DNM2: variants seen among roughly 807,000 people sequenced by gnomAD.
DNM2 encodes dynamin 2.
In DNM2, 15 loss-of-function variants were observed where a neutral mutation model predicts 99.0. The observed-to-expected ratio is 0.15, with a 90% CI of 0.10 to 0.23. The LOEUF (loss-of-function observed/expected upper bound fraction) is 0.23, where lower values mean the gene tolerates loss of function less well. Ranked by LOEUF, DNM2 falls within the 10% of genes least tolerant of loss-of-function variation. The pLI, the probability that DNM2 is intolerant of heterozygous loss-of-function variation, is 1.00. For missense variants in DNM2, 742 were observed against 1,189.4 expected, an observed-to-expected ratio of 0.62 and a Z score of 5.53; for synonymous variants, 525 against 481.2, an observed-to-expected ratio of 1.09 and a Z score of -1.19.
At chr19:10,751,154 G>A (rs2070180173) in intron 1 of DNM2, among the ~76,000 whole-genome samples, 1 of 151,970 alleles carries the variant, frequency 6.6e-6, no homozygotes, top group African/African-American at 2.4e-5. Flanking sequence ...GTGAATGGGG[G>A]TGAGAGAAGT....
intron 3 of DNM2, among the ~76,000 whole-genome samples, chr19:10,774,126 T>C (rs1252693935): frequency 1.3e-5 from 2 of 152,208 alleles, no homozygotes; most frequent in East Asian, 1.9e-4. Context: ...TGCACACATA[T>C]TTTAGGTTCT....
chr19:10,765,997 G>A lies in DNM2; in HGVS notation c.235+6186G>A, dbSNP rs1185822024. ...TTTGTGCTCCTGATGGGATTTGATC[G>A]CAGTCATATGGGAGCCCCGGCACTG... is the stretch of plus-strand genomic sequence containing the variant. On this transcript the variant is annotated intron_variant, in intron 2 of 20. Transcript: ENST00000389253. This position sits in a 1 kb window ranked among gnomAD's most constrained non-coding sequence, Gnocchi z 4.4. Among the ~76,000 whole-genome samples, 4 of 152,160 alleles carry A rather than the reference G, an allele frequency of 2.6e-5. No homozygotes were observed. Among genetic ancestry groups the A allele is most frequent in the Non-Finnish European group, 5.9e-5 (4 of 68,040 alleles).
intron 5 of DNM2, among the ~76,000 whole-genome samples, chr19:10,777,628 CTT>C (rs1568295060): frequency 6.6e-6 from 1 of 152,010 alleles, no homozygotes; most frequent in Non-Finnish European, 1.5e-5. Flanking sequence ...AGTTTTTGCT[CTT>C]GTCACCCAAG....
chr19:10,781,420 C>CT lies in DNM2; in HGVS notation c.689-1539dup, dbSNP rs1191520037. The stretch of plus-strand genomic sequence containing the variant: ...AAGAGCAGTCACATCCCACAAGACC[C>CT]TACAGGATAGATGACCGGCACCTCT... On this transcript the variant is annotated intron_variant, in intron 5 of 20. Transcript: ENST00000389253. 2.0e-5 allele frequency: 3 copies of CT among 152,314 alleles called. No individual in the cohort carries two copies. In the East Asian group the frequency reaches 5.8e-4, roughly 29 times the overall value. 9.4% of individuals were successfully genotyped at this position (152,314 alleles called of 1,614,324 possible).
intron 1 of DNM2, among the ~76,000 whole-genome samples, chr19:10,738,860 A>G (rs2069630204): frequency 6.9e-6 from 1 of 144,906 alleles, no homozygotes; most frequent in African/African-American, 2.6e-5. Flanking sequence ...ACAAGAGCAA[A>G]ACTCCATCGC....
rs748026953 is a variant in DNM2, at chr19:10,812,255, T to G, written c.1558-9T>G. On this transcript the variant is annotated splice_polypyrimidine_tract_variant and intron_variant, in intron 14 of 20. Transcript: ENST00000389253. This position sits in a 1 kb window ranked among gnomAD's most constrained non-coding sequence, Gnocchi z 4.0. ...GAGGTTCCCTGCTAAGCTGCGCGCT[T>G]TCCCCCAGGTGATCCGCAGGGGCTG... The G allele has an allele frequency of 3.8e-6, 6 of 1,585,954 alleles. No individual in the cohort carries two copies. In the Admixed American group the frequency reaches 5.4e-5, roughly 14 times the overall value.
intron 10 of DNM2, chr19:10,798,245 C>T (rs188137352): frequency 5.3e-6 from 3 of 568,482 alleles, no homozygotes; most frequent in Non-Finnish European, 9.4e-6. Context: ...TGCCTCCTGC[C>T]CCCCGGTCAC....
intron 7 of DNM2, among the ~76,000 whole-genome samples, chr19:10,787,642 C>T (rs1236116478): frequency 1.3e-5 from 2 of 151,066 alleles, no homozygotes; most frequent in Non-Finnish European, 2.9e-5. Context: ...GTAGTCCCAG[C>T]TACACAGGAG....
intron 10 of DNM2, 93 bp downstream of exon 10, chr19:10,797,611 C>A: frequency 6.3e-7 from 1 of 1,585,482 alleles, no homozygotes; most frequent in Non-Finnish European, 8.6e-7. Context: ...TCAGCCTCGG[C>A]AGGAACCCCC....
At chr19:10,799,826 G>A (rs1013941380) in intron 11 of DNM2, among the ~76,000 whole-genome samples, 4 of 146,918 alleles carry the variant, frequency 2.7e-5, no homozygotes, top group East Asian at 2.1e-4. Flanking sequence ...GAGCTACCAC[G>A]CCCAGCCTGC....
chr19:10,794,133 AT>A (rs1316986412), intron 8 of DNM2, among the ~76,000 whole-genome samples: 1 of 152,188 alleles, frequency 6.6e-6, no homozygotes, highest in African/African-American at 2.4e-5. Context: ...ATACAGATAA[AT>A]TTACATGAGA....
At chr19:10,738,870 CAAAAA>C (rs1007919897) in intron 1 of DNM2, among the ~76,000 whole-genome samples, 1 of 66,546 alleles carries the variant, frequency 1.5e-5, no homozygotes, top group Non-Finnish European at 3.0e-5. Flanking sequence ...AACTCCATCG[CAAAAA>C]AAAAAAAAAA....
chr19:10,778,917 A>T (rs896408635), intron 5 of DNM2, among the ~76,000 whole-genome samples: 1 of 152,010 alleles, frequency 6.6e-6, no homozygotes, highest in African/African-American at 2.4e-5. Context: ...TATTTTAAAA[A>T]TATTTTAAAT....
At chr19:10,800,736 T>C (rs1170838390) in intron 11 of DNM2, among the ~76,000 whole-genome samples, 1 of 152,246 alleles carries the variant, frequency 6.6e-6, no homozygotes, top group Non-Finnish European at 1.5e-5. Context: ...TGGCCTGTTA[T>C]AAATGGGAAT....
At chr19:10,803,667 T>A in intron 12 of DNM2, 1 of 986,262 alleles carries the variant, frequency 1.0e-6, no homozygotes, top group Non-Finnish European at 1.2e-6. Context: ...GCTGGTGACC[T>A]GGTGGGTATT....
chr19:10,730,373 T>C (rs1560734), intron 1 of DNM2, among the ~76,000 whole-genome samples: 12,716 of 152,056 alleles, frequency 0.084, 564 homozygotes, highest in Middle Eastern at 0.11. Context: ...CTACTTGGAA[T>C]CCCGAGGTGC....
intron 6 of DNM2, 129 bp from the exon 7 acceptor site, chr19:10,786,435 C>A: frequency 7.1e-7 from 1 of 1,413,990 alleles, no homozygotes; most frequent in Non-Finnish European, 9.9e-7. Flanking sequence ...TGCTGTCTCT[C>A]AAGGCTGTGT....
At chr19:10,829,492 C>T (rs998085705) in intron 19 of DNM2, among the ~76,000 whole-genome samples, 5 of 152,294 alleles carry the variant, frequency 3.3e-5, no homozygotes, top group Non-Finnish European at 7.4e-5. Flanking sequence ...TGAATAAATA[C>T]CCCGCCTGCC....
intron 1 of DNM2, among the ~76,000 whole-genome samples, chr19:10,738,785 G>A (rs575942847): frequency 2.8e-4 from 43 of 151,702 alleles, no homozygotes; most frequent in Admixed American, 1.4e-3. Flanking sequence ...CAGGAGAAGT[G>A]CCTGAACCCA....
Sources: allele counts gnomAD v4.1 joint callset (sites outside exome capture counted in the v4.1 genomes callset), GRCh38; gene constraint gnomAD v4.1.1; non-coding constraint Gnocchi (gnomAD v3.1); transcripts MANE v1.5; gene names NCBI Gene and HGNC (gene_info 2026-07-23, HGNC 2026-07-21).